The following UNC50 variants were observed in gnomAD, a reference collection of about 807,000 sequenced individuals.
The protein encoded by UNC50 is protein unc-50 homolog.
A neutral mutation model predicts 31.5 loss-of-function variants in UNC50; 24 were observed. The observed-to-expected ratio is 0.76, with a 90% CI of 0.55 to 1.07. UNC50 has a LOEUF of 1.07. Among genes scored for constraint, UNC50 ranks in the 50% least tolerant of loss-of-function variants. The pLI is 0.00. For missense variants in UNC50, 245 were observed against 304.2 expected (o/e 0.81, Z 1.45); for synonymous variants, 118 against 114.7 (o/e 1.03, Z -0.18).
intron 1 of UNC50, 71 bp downstream of exon 1, chr2:98,608,797 TTGCGGCCTGACGTCGC>T (rs768778261): frequency 8.0e-5 from 23 of 289,274 alleles, no homozygotes; most frequent in Non-Finnish European, 1.3e-4. Context: ...TCCCGACAGC[TTGCGGCCTGACGTCGC>T]TGCGGCCTGG....
intron 3 of UNC50, among the ~76,000 whole-genome samples, chr2:98,611,265 T>C (rs914738385): frequency 2.1e-4 from 32 of 152,226 alleles, no homozygotes; most frequent in African/African-American, 6.8e-4. Flanking sequence ...CTTGCTCTTA[T>C]ACATTTTAGG....
intron 3 of UNC50, among the ~76,000 whole-genome samples, chr2:98,611,609 G>C (rs937729433): frequency 1.3e-5 from 2 of 152,220 alleles, no homozygotes; most frequent in Non-Finnish European, 2.9e-5. Flanking sequence ...AGGCAAGTTT[G>C]CCTGACACAG....
chr2:98,611,929 T>A (rs937698574), intron 3 of UNC50, among the ~76,000 whole-genome samples: 5 of 150,768 alleles, frequency 3.3e-5, no homozygotes, highest in Non-Finnish European at 5.9e-5. Flanking sequence ...CTACTGAGAA[T>A]AAAATTCTCT....
chr2:98,615,965 T>C (rs1700912800), intron 3 of UNC50, among the ~76,000 whole-genome samples: 1 of 152,212 alleles, frequency 6.6e-6, no homozygotes, highest in Non-Finnish European at 1.5e-5. Flanking sequence ...GACCCTCATA[T>C]GTACAATTGC....
In UNC50 at chr2:98,609,812, A is replaced by G. The variant is rs1408951244; in HGVS notation, c.53A>G (p.Asn18Ser). The G allele has an allele frequency of 6.2e-7, 1 of 1,614,242 alleles. No homozygotes were observed. The highest frequency in any genetic ancestry group is 8.5e-7 in the Non-Finnish European group (1 of 1,180,040). ...NSLVQGNGVLNSRDAARHTAG... is the reference protein window; with the variant it reads ...NSLVQGNGVLSSRDAARHTAG... ...TTAGTGCAGGGGAACGGAGTCTTGAATTCCAGGGATGCGGCAAGACACACA... is the reference window on the plus strand; with the variant it reads ...TTAGTGCAGGGGAACGGAGTCTTGAGTTCCAGGGATGCGGCAAGACACACA... The change falls in exon 2 of 6, where the codon AAT becomes AGT. Residue 18 changes from asparagine to serine, a missense_variant. Physicochemically the swap from Asn to Ser is conservative, Grantham distance 46. Coordinates refer to ENST00000357765, the MANE Select transcript of UNC50 (RefSeq NM_014044.7).
intron 1 of UNC50, chr2:98,609,536 A>T: frequency 1.5e-6 from 1 of 646,684 alleles, no homozygotes; most frequent in Non-Finnish European, 2.7e-6. Context: ...GGTGATTCAG[A>T]AGGGTGGGCT....
intron 5 of UNC50, 117 bp downstream of exon 5, chr2:98,616,650 A>G (rs1700927164): frequency 2.7e-6 from 2 of 732,498 alleles, no homozygotes; most frequent in Admixed American, 2.7e-5. Context: ...TAAGTATTTT[A>G]TGTGCATTAT....
In UNC50 at chr2:98,618,207, C is replaced by T; in HGVS notation, c.683C>T (p.Pro228Leu). Residue 228 changes from proline to leucine, a missense_variant, in exon 6 of 6, where the codon CCA becomes CTA. Coordinates refer to ENST00000357765, the MANE Select transcript of UNC50 (RefSeq NM_014044.7). ...AAAAATACAGTAATTCTTCTGTATC[C>T]ATTTGCACCTCTGATTCTGCTCTAC... ...FLKNTVILLY[P>L]FAPLILLYGL... 2 of 1,610,124 alleles carry T rather than the reference C, an allele frequency of 1.2e-6. No individual in the cohort carries two copies. Among genetic ancestry groups the T allele is most frequent in the African/African-American group, 2.7e-5 (2 of 74,552 alleles).
intron 1 of UNC50, 86 bp from the exon 2 acceptor site, chr2:98,609,669 TC>T (rs1209650709): frequency 6.3e-7 from 1 of 1,587,910 alleles, no homozygotes; most frequent in African/African-American, 1.3e-5. Context: ...GAAAGTGACC[TC>T]CCTGCCAAAT....
At chr2:98,617,108 T>C (rs893043519) in intron 5 of UNC50, among the ~76,000 whole-genome samples, 2 of 152,244 alleles carry the variant, frequency 1.3e-5, no homozygotes, top group African/African-American at 4.8e-5. Flanking sequence ...TTAAATCCTG[T>C]TGTCAGTTCA....
At position 98,609,780 on chromosome 2, in the gene UNC50, G is replaced by C. The variant is rs752017912; in HGVS notation, c.21G>C (p.Val7=). The change falls in exon 2 of 6, where the codon GTG becomes GTC. Residue 7 remains valine, a synonymous_variant. Coordinates refer to ENST00000357765, the MANE Select transcript of UNC50 (RefSeq NM_014044.7). MLPSTS[V]NSLVQGNGVL... Reference sequence around the variant, plus strand: ...GGAAGATGTTACCGAGTACTTCAGTGAATTCCTTAGTGCAGGGGAACGGAG... The same window carrying C: ...GGAAGATGTTACCGAGTACTTCAGTCAATTCCTTAGTGCAGGGGAACGGAG... 13 of 1,614,116 alleles carry C rather than the reference G, an allele frequency of 8.1e-6. No homozygotes were observed. The African/African-American group carries it at 1.2e-4, about 15-fold the overall frequency.
At chr2:98,616,010 C>T (rs2104186126) in intron 3 of UNC50, among the ~76,000 whole-genome samples, 197 bp from the exon 4 acceptor site, 1 of 152,284 alleles carries the variant, frequency 6.6e-6, no homozygotes, top group East Asian at 1.9e-4. Context: ...TTCTCTGCTG[C>T]TTTCTCTCTT....
rs191392907 is a variant in UNC50 at position 98,614,699 on chromosome 2, A to G, written c.402-1508A>G. Among the ~76,000 whole-genome samples, 637 of 152,360 alleles carry G rather than the reference A, an allele frequency of 4.2e-3. 1 individual carries two copies. The highest frequency in any genetic ancestry group is 0.01 in the Middle Eastern group (3 of 294). On this transcript the variant is annotated intron_variant, in intron 3 of 5. Transcript: ENST00000357765. ...AATAGGGGCAGCAGAGAACGTCTAC[A>G]GAAAGGGCGCTCTTGGGGAGCGAGC... is the stretch of plus-strand genomic sequence containing the variant.
chr2:98,609,539 G>A, intron 1 of UNC50: 1 of 652,258 alleles, frequency 1.5e-6, no homozygotes, highest in South Asian at 1.8e-5. Flanking sequence ...GATTCAGAAG[G>A]GTGGGCTGTT....
intron 3 of UNC50, 25 bp from the exon 4 acceptor site, chr2:98,616,182 A>G (rs1700917230): frequency 6.3e-7 from 1 of 1,591,808 alleles, no homozygotes; most frequent in Non-Finnish European, 8.5e-7. Flanking sequence ...TTTTATTATG[A>G]AAGAAATTTT....
rs1162471497 is a variant in UNC50 at position 98,616,263 on chromosome 2, G to A, written c.458G>A (p.Trp153Ter). The A allele has an allele frequency of 6.2e-7, 1 of 1,614,158 alleles. No homozygotes were observed. Reference sequence around the variant, plus strand: ...CAGAGCAGAGACTATGATGTGGAATGGGGCTATGCTTTTGATGTGCATCTC... The same window carrying A: ...CAGAGCAGAGACTATGATGTGGAATAGGGCTATGCTTTTGATGTGCATCTC... The part of the protein sequence containing the change: ...KRQSRDYDVE[W>*]GYAFDVHLNA... Residue 153 changes from tryptophan to a stop codon, truncating the protein, a stop_gained, in exon 4 of 6, where the codon TGG (tryptophan) becomes TAG (stop). Coordinates refer to ENST00000357765, the MANE Select transcript of UNC50 (RefSeq NM_014044.7). LOFTEE classifies it high-confidence loss of function.
intron 3 of UNC50, among the ~76,000 whole-genome samples, chr2:98,613,696 T>C (rs1700876015): frequency 6.6e-6 from 1 of 152,168 alleles, no homozygotes; most frequent in Non-Finnish European, 1.5e-5. Flanking sequence ...AGCCAAACAA[T>C]ATCAGGCACA....
intron 5 of UNC50, 26 bp downstream of exon 5, chr2:98,616,559 G>T: frequency 6.3e-7 from 1 of 1,584,500 alleles, no homozygotes; most frequent in South Asian, 1.1e-5. Context: ...AAATGTTTTT[G>T]GTTGAGAACA....
At chr2:98,618,138 T>TAAAA in intron 5 of UNC50, 30 bp from the exon 6 acceptor site, 1 of 1,465,994 alleles carries the variant, frequency 6.8e-7, no homozygotes, top group African/African-American at 1.4e-5. Context: ...TTTTTTTTTT[T>TAAAA]AAATCAGTTT....
Sources: gnomAD v4.1 joint callset for allele counts (sites outside exome capture counted in the v4.1 genomes callset) on GRCh38, gnomAD v4.1.1 for gene constraint, MANE v1.5 for transcripts, NCBI Gene and HGNC (gene_info 2026-07-23, HGNC 2026-07-21) for gene names.